SLF2: variants seen among roughly 807,000 people sequenced by gnomAD.
The protein encoded by SLF2 is SMC5/6 complex localization factor 2.
SLF2 carries 68 observed loss-of-function variants against 124.3 expected under a neutral mutation model. The observed-to-expected ratio is 0.55, with a 90% CI of 0.45 to 0.67. The LOEUF is 0.67. Ranked by LOEUF, SLF2 falls within the 30% of genes least tolerant of loss-of-function variation. The pLI is 0.00. For synonymous variants in SLF2, 480 were observed against 478.8 expected (o/e 1.00, Z -0.03); for missense variants, 1,246 against 1,373.7 (o/e 0.91, Z 1.47).
intron 17 of SLF2, among the ~76,000 whole-genome samples, chr10:100,952,197 T>C (rs1264467506): frequency 1.3e-5 from 2 of 151,466 alleles, no homozygotes; most frequent in Non-Finnish European, 2.9e-5. Context: ...TGAGGCAAGA[T>C]CGTGCCATTG....
chr10:100,922,049 T>G (rs1159579936), intron 4 of SLF2, among the ~76,000 whole-genome samples: 1 of 152,234 alleles, frequency 6.6e-6, no homozygotes. Context: ...CAAATAATAA[T>G]TGCCTCTCAA....
At chr10:100,937,768 C>G (rs1849894627) in intron 10 of SLF2, among the ~76,000 whole-genome samples, 1 of 152,042 alleles carries the variant, frequency 6.6e-6, no homozygotes, top group African/African-American at 2.4e-5. Context: ...ACCGCTATAC[C>G]CAGCTAATTG....
intron 17 of SLF2, among the ~76,000 whole-genome samples, chr10:100,953,678 A>G (rs1850267834): frequency 3.3e-5 from 5 of 151,688 alleles, no homozygotes; most frequent in Non-Finnish European, 2.9e-5. Flanking sequence ...TTTTTGAGAC[A>G]GTCTTGCTCT....
intron 9 of SLF2, among the ~76,000 whole-genome samples, chr10:100,933,353 C>CT (rs1849781636): frequency 6.6e-6 from 1 of 152,204 alleles, no homozygotes. Context: ...TCATTAAACA[C>CT]TTTCCCTGTG....
chr10:100,921,020 A>G (rs1027241964), intron 4 of SLF2, among the ~76,000 whole-genome samples: 6 of 152,202 alleles, frequency 3.9e-5, no homozygotes, highest in African/African-American at 9.7e-5. Context: ...CACTTAATCA[A>G]TTGTCATGGT....
At chr10:100,946,325 C>CTTTT (rs34242980) in intron 13 of SLF2, among the ~76,000 whole-genome samples, 12 of 124,956 alleles carry the variant, frequency 9.6e-5, no homozygotes, top group Non-Finnish European at 1.5e-4. Flanking sequence ...GGGTGTTAGG[C>CTTTT]TTTTTTTTTT....
intron 4 of SLF2, among the ~76,000 whole-genome samples, chr10:100,922,974 C>T (rs1465149031): frequency 6.6e-6 from 1 of 151,916 alleles, no homozygotes; most frequent in Non-Finnish European, 1.5e-5. Context: ...CAGGGTTTCA[C>T]CATGTTGGCC....
intron 19 of SLF2, among the ~76,000 whole-genome samples, chr10:100,961,594 T>G (rs2133838844): frequency 6.6e-6 from 1 of 152,354 alleles, no homozygotes; most frequent in East Asian, 1.9e-4. Context: ...ATAGCAAAAC[T>G]ATACTAATCA....
At chr10:100,958,820 G>GT (rs1475092618) in intron 18 of SLF2, among the ~76,000 whole-genome samples, 1 of 152,212 alleles carries the variant, frequency 6.6e-6, no homozygotes, top group Non-Finnish European at 1.5e-5. Context: ...AATCTCTAGA[G>GT]TGATAGAGTT....
chr10:100,948,281 C>T (rs1418370924), intron 15 of SLF2, among the ~76,000 whole-genome samples: 1 of 152,086 alleles, frequency 6.6e-6, no homozygotes, highest in South Asian at 2.1e-4. Flanking sequence ...TGTAGTTGCC[C>T]TCTAGTACTT....
chr10:100,933,613 G>A (rs1354980429), intron 9 of SLF2, among the ~76,000 whole-genome samples: 1 of 151,936 alleles, frequency 6.6e-6, no homozygotes, highest in Admixed American at 6.6e-5. Flanking sequence ...TTTTCAAAAG[G>A]AATTCAGGTT....
chr10:100,924,684 A>G lies in SLF2; in HGVS notation c.1683A>G (p.Glu561=). Residue 561 remains glutamate, a synonymous_variant, in exon 5 of 20, where the codon GAA becomes GAG. Coordinates refer to ENST00000238961, the MANE Select transcript of SLF2 (RefSeq NM_018121.4). The part of the protein sequence containing the change: ...TPTKSPPAAL[E]VVPCIPSPAA... Reference sequence around the variant, plus strand: ...CAAAGTCTCCCCCTGCTGCTTTGGAAGTTGTGCCATGTATCCCAAGCCCTG... The same window carrying G: ...CAAAGTCTCCCCCTGCTGCTTTGGAGGTTGTGCCATGTATCCCAAGCCCTG... 2 of 1,614,148 alleles carry G rather than the reference A, an allele frequency of 1.2e-6. No homozygotes were observed. Among genetic ancestry groups the G allele is most frequent in the Non-Finnish European group, 1.7e-6 (2 of 1,180,028 alleles).
At chr10:100,946,985 GT>G in intron 13 of SLF2, 53 bp from the exon 14 acceptor site, 8 of 1,382,644 alleles carry the variant, frequency 5.8e-6, no homozygotes, top group Non-Finnish European at 8.2e-6. Context: ...TCTGTTGGGT[GT>G]TTTATTCTAC....
Position 100,913,227 on chromosome 10 carries a change from G to A in SLF2, c.117G>A (p.Lys39=), listed in dbSNP as rs762556786. The A allele has an allele frequency of 2.5e-6, 4 of 1,610,106 alleles. No individual in the cohort carries two copies. Among genetic ancestry groups the A allele is most frequent in the Non-Finnish European group, 3.4e-6 (4 of 1,178,312 alleles). The change falls in exon 1 of 20, where the codon AAG becomes AAA. Residue 39 remains lysine (K), a synonymous_variant. Coordinates refer to ENST00000238961, the MANE Select transcript of SLF2 (RefSeq NM_018121.4). ...PGSTAHAAAG[K]RTESPGDRKQ... ...GTACCGCCCATGCTGCAGCGGGAAAGAGAACAGAGAGTCCTGGGGACAGGT... is the reference window on the plus strand; with the variant it reads ...GTACCGCCCATGCTGCAGCGGGAAAAAGAACAGAGAGTCCTGGGGACAGGT...
intron 9 of SLF2, among the ~76,000 whole-genome samples, chr10:100,933,034 CTTA>C (rs1217725957): frequency 6.6e-6 from 1 of 152,070 alleles, no homozygotes; most frequent in African/African-American, 2.4e-5. Flanking sequence ...CAAATTTCTA[CTTA>C]TTATAGTTCA....
At position 100,924,577 on chromosome 10, in the gene SLF2, G is replaced by A. The variant is rs1209523274; in HGVS notation, c.1576G>A (p.Ala526Thr). The change falls in exon 5 of 20, where the codon GCA becomes ACA. Residue 526 changes from alanine to threonine, a missense_variant. By Grantham distance (58) the Ala-to-Thr change is moderately conservative. Coordinates refer to ENST00000238961, the MANE Select transcript of SLF2 (RefSeq NM_018121.4). ...TESTKHKEHKAKTNKADSNVS... is the reference protein window; with the variant it reads ...TESTKHKEHKTKTNKADSNVS... ...ATCCACCAAACACAAGGAACACAAA[G>A]CAAAGACTAATAAGGCCGATTCTAA... 2.5e-6 allele frequency: 4 copies of A among 1,613,974 alleles called. No individual in the cohort carries two copies. The highest frequency in any genetic ancestry group is 2.2e-5 in the East Asian group (1 of 44,902).
At chr10:100,933,859 A>G (rs1232011960) in intron 9 of SLF2, among the ~76,000 whole-genome samples, 1 of 152,064 alleles carries the variant, frequency 6.6e-6, no homozygotes, top group East Asian at 1.9e-4. Flanking sequence ...TTCTATTTTT[A>G]GTAGAGATGG....
In SLF2 at chr10:100,929,975, G is replaced by T; in HGVS notation, c.2311G>T (p.Ala771Ser). The change falls in exon 8 of 20, where the codon GCT (alanine) becomes TCT (serine). Residue 771 changes from alanine to serine, a missense_variant. Ala to Ser is a moderately conservative substitution (Grantham distance 99, BLOSUM62 1). This residue lies in a region of SLF2 where 535 missense variants were observed against 632.8 expected (regional missense o/e 0.85). Transcript: ENST00000238961. Reference protein sequence around the residue: ...LRDSGFIGQSAVEKLILKSGK... With the variant: ...LRDSGFIGQSSVEKLILKSGK... ...AGACTCTGGTTTTATTGGACAAAGT[G>T]CTGTAGAAAAACTTATTCTTAAGTA... The T allele has an allele frequency of 6.5e-7, 1 of 1,530,504 alleles. No homozygotes were observed. 94.8% of individuals were successfully genotyped at this position (1,530,504 alleles called of 1,614,324 possible). A position where few individuals can be genotyped will look rare whatever the true frequency, so the allele number is the denominator to read the frequency against.
chr10:100,955,841 G>A (rs1342186566), intron 17 of SLF2, among the ~76,000 whole-genome samples: 1 of 151,014 alleles, frequency 6.6e-6, no homozygotes, highest in Non-Finnish European at 1.5e-5. Flanking sequence ...GGGAGCCAGA[G>A]GTTGTAGTGA....
Sources: allele counts gnomAD v4.1 joint callset (sites outside exome capture counted in the v4.1 genomes callset), GRCh38; gene constraint gnomAD v4.1.1; regional missense constraint gnomAD v4.1.1; transcripts MANE v1.5; gene names NCBI Gene and HGNC (gene_info 2026-07-23, HGNC 2026-07-21).